ITGA8: variants seen among roughly 807,000 people sequenced by gnomAD.
The protein encoded by ITGA8 is integrin subunit alpha 8.
ITGA8 carries 91 observed loss-of-function variants against 142.3 expected under a neutral mutation model. The observed-to-expected ratio is 0.64, with a 90% CI of 0.54 to 0.76. The LOEUF (loss-of-function observed/expected upper bound fraction) is 0.76, where lower values mean the gene tolerates loss of function less well. Among genes scored for constraint, ITGA8 ranks in the 30% least tolerant of loss-of-function variants. The probability of loss-of-function intolerance (pLI) is 0.00; values close to 1 mark genes in which losing one functional copy is unlikely to be tolerated. For missense variants in ITGA8, 1,406 were observed against 1,327.7 expected (o/e 1.06, Z -0.92); for synonymous variants, 505 against 485.2 (o/e 1.04, Z -0.54).
chr10:15,548,576 C>G lies in ITGA8; in HGVS notation c.2767-8G>C, dbSNP rs1489328054. ...CTCGATATTTGTACAATTCTGCAAA[C>G]AGCAGTGGGAACACGTCAGAGTCTT... On this transcript the variant is annotated splice_region_variant and splice_polypyrimidine_tract_variant and intron_variant, in intron 26 of 29. Transcript: ENST00000378076. 2 of 1,573,238 alleles carry G rather than the reference C, an allele frequency of 1.3e-6. No homozygotes were observed. Among genetic ancestry groups the G allele is most frequent in the Admixed American group, 3.4e-5 (2 of 58,956 alleles).
chr10:15,719,070 G>T (rs1835508293), intron 1 of ITGA8, among the ~76,000 whole-genome samples, 171 bp from the exon 2 acceptor site: 1 of 152,272 alleles, frequency 6.6e-6, no homozygotes, highest in South Asian at 2.1e-4. Flanking sequence ...ACGGGGGTCC[G>T]CAACCTGGTT....
intron 13 of ITGA8, among the ~76,000 whole-genome samples, chr10:15,617,786 A>T (rs1241338626): frequency 1.1e-5 from 1 of 87,666 alleles, no homozygotes; most frequent in Non-Finnish European, 3.0e-5. Flanking sequence ...TCTGCAGAGT[A>T]AAATTTAGAT....
intron 25 of ITGA8, among the ~76,000 whole-genome samples, chr10:15,566,597 G>A (rs1834085422): frequency 6.6e-6 from 1 of 151,952 alleles, no homozygotes; most frequent in Non-Finnish European, 1.5e-5. Flanking sequence ...AATTGCCTGA[G>A]CTCAGGAGTT....
chr10:15,559,930 G>T (rs867338921), intron 25 of ITGA8, among the ~76,000 whole-genome samples: 2 of 152,088 alleles, frequency 1.3e-5, no homozygotes, highest in Admixed American at 6.6e-5. Context: ...CATGGCACAT[G>T]TTTACCTATG....
Position 15,597,307 on chromosome 10 carries a change from T to A in ITGA8, c.2119-8A>T. ...GCTCAGTGGTCGAAATCCCTACAAT[T>A]GCAAAGAACAGGGGGTTTAGGGGGC... On this transcript the variant is annotated splice_polypyrimidine_tract_variant and splice_region_variant and intron_variant, in intron 20 of 29. Transcript: ENST00000378076. The A allele has an allele frequency of 6.2e-7, 1 of 1,610,756 alleles. No homozygotes were observed. The highest frequency in any genetic ancestry group is 8.5e-7 in the Non-Finnish European group (1 of 1,176,972).
Position 15,519,784 on chromosome 10 carries a change from C to T in ITGA8, c.2983-372G>A, listed in dbSNP as rs114919669. Among the ~76,000 whole-genome samples the T allele has an allele frequency of 3.0e-3, 455 of 152,280 alleles. 2 individuals are homozygous for T. The highest frequency in any genetic ancestry group is 0.011 in the African/African-American group (442 of 41,558). On this transcript the variant is annotated intron_variant, in intron 28 of 29. Coordinates refer to ENST00000378076, the MANE Select transcript of ITGA8 (RefSeq NM_003638.3). ...TCAATAAAAAACTGAATGAATCTGT[C>T]TACCATGTGTCTCCTTAGAACTCAG...
chr10:15,592,762 A>C (rs544949933), intron 21 of ITGA8, among the ~76,000 whole-genome samples: 153 of 152,148 alleles, frequency 1.0e-3, no homozygotes, highest in Non-Finnish European at 1.5e-3. Context: ...ACACCACCAC[A>C]CCTGGTTAAC....
At chr10:15,539,819 G>A (rs1055998717) in intron 27 of ITGA8, among the ~76,000 whole-genome samples, 6 of 152,108 alleles carry the variant, frequency 3.9e-5, no homozygotes, top group African/African-American at 9.7e-5. Context: ...TGATTTGGCT[G>A]TGTCCCCACC....
chr10:15,528,570 G>A (rs932726377), intron 28 of ITGA8, among the ~76,000 whole-genome samples: 2 of 145,982 alleles, frequency 1.4e-5, no homozygotes, highest in African/African-American at 2.5e-5. Flanking sequence ...AGCATGTATC[G>A]GATTATTTTG....
At chr10:15,683,533 G>A (rs959416197) in intron 4 of ITGA8, among the ~76,000 whole-genome samples, 3 of 152,198 alleles carry the variant, frequency 2.0e-5, no homozygotes, top group African/African-American at 7.2e-5. Context: ...TAAGCAGAAA[G>A]GCATATCATG....
In ITGA8 at chr10:15,687,951, T is replaced by A; in HGVS notation, c.431A>T (p.Lys144Ile). The change falls in exon 3 of 30, where the codon AAA becomes ATA. Residue 144 changes from lysine to isoleucine, a missense_variant. Coordinates refer to ENST00000378076, the MANE Select transcript of ITGA8 (RefSeq NM_003638.3). ...GCTCATACTCACCACAACTTTTCCTTTGTGAGCTTTCACTGTTGCTCCAAA... is the reference window on the plus strand; with the variant it reads ...GCTCATACTCACCACAACTTTTCCTATGTGAGCTTTCACTGTTGCTCCAAA... ...QWFGATVKAH[K>I]GKVVACAPLY... 1 of 1,610,578 alleles carries A rather than the reference T, an allele frequency of 6.2e-7. No homozygotes were observed.
At chr10:15,659,833 C>G (rs1834252968) in intron 9 of ITGA8, among the ~76,000 whole-genome samples, 1 of 152,098 alleles carries the variant, frequency 6.6e-6, no homozygotes, top group Non-Finnish European at 1.5e-5. Flanking sequence ...TTGCCACAAG[C>G]CAAGGAATGC....
chr10:15,656,157 A>G (rs1834180023), intron 10 of ITGA8, among the ~76,000 whole-genome samples: 1 of 152,166 alleles, frequency 6.6e-6, no homozygotes, highest in Non-Finnish European at 1.5e-5. Flanking sequence ...GTACCAAAAC[A>G]CAGATGACAC....
intron 27 of ITGA8, among the ~76,000 whole-genome samples, chr10:15,546,877 G>A (rs1020573548): frequency 1.3e-5 from 2 of 150,256 alleles, no homozygotes; most frequent in Non-Finnish European, 2.9e-5. Context: ...GAAGGGAAGG[G>A]AAGGGAAAGG....
chr10:15,647,089 G>T, intron 11 of ITGA8, 38 bp from the exon 12 acceptor site: 1 of 1,491,268 alleles, frequency 6.7e-7, no homozygotes, highest in Non-Finnish European at 9.3e-7. Context: ...CACGCTAGCA[G>T]AGAGTAGAGT....
chr10:15,559,165 G>A (rs1174106303), intron 25 of ITGA8, among the ~76,000 whole-genome samples: 1 of 152,222 alleles, frequency 6.6e-6, no homozygotes, highest in African/African-American at 2.4e-5. Flanking sequence ...CAAACAGAAG[G>A]ACGGAGTCCA....
At chr10:15,612,163 T>G (rs1190721661) in intron 15 of ITGA8, among the ~76,000 whole-genome samples, 1 of 152,138 alleles carries the variant, frequency 6.6e-6, no homozygotes, top group African/African-American at 2.4e-5. Flanking sequence ...TTTCCAACTC[T>G]TTTCAAGAGC....
chr10:15,517,992 C>A (rs1210347875), intron 29 of ITGA8, among the ~76,000 whole-genome samples: 1 of 152,174 alleles, frequency 6.6e-6, no homozygotes, highest in Non-Finnish European at 1.5e-5. Flanking sequence ...AAGAGATGGC[C>A]ACACATCCCT....
chr10:15,540,790 A>T (rs567742418), intron 27 of ITGA8, among the ~76,000 whole-genome samples: 16 of 152,328 alleles, frequency 1.1e-4, no homozygotes, highest in Middle Eastern at 3.4e-3. Flanking sequence ...TGACTAAAAC[A>T]AGACCTGGTA....
Sources: gnomAD v4.1 joint callset for allele counts (sites outside exome capture counted in the v4.1 genomes callset) on GRCh38, gnomAD v4.1.1 for gene constraint, MANE v1.5 for transcripts, NCBI Gene and HGNC (gene_info 2026-07-23, HGNC 2026-07-21) for gene names.